AKAP9: variants seen among roughly 807,000 people sequenced by gnomAD.
AKAP9 encodes A-kinase anchoring protein 9.
AKAP9 carries 311 observed loss-of-function variants against 488.5 expected under a neutral mutation model. That is an observed-to-expected ratio of 0.64 (90% confidence interval 0.58 to 0.70). The LOEUF (loss-of-function observed/expected upper bound fraction) is 0.70, where lower values mean the gene tolerates loss of function less well. Among genes scored for constraint, AKAP9 ranks in the 30% least tolerant of loss-of-function variants. The pLI is 0.00. For synonymous variants in AKAP9, 1,462 were observed against 1,483.5 expected (o/e 0.99, Z 0.33); for missense variants, 4,215 against 4,374.5 (o/e 0.96, Z 1.03).
intron 8 of AKAP9, among the ~76,000 whole-genome samples, chr7:92,005,929 A>C (rs537714039): frequency 6.6e-5 from 10 of 152,260 alleles, no homozygotes; most frequent in Non-Finnish European, 5.9e-5. Flanking sequence ...TCGGCCTCCC[A>C]AAGTGCTGGG....
chr7:92,100,111 C>T, intron 44 of AKAP9: 1 of 424,126 alleles, frequency 2.4e-6, no homozygotes, highest in East Asian at 4.8e-5. Context: ...ATCTCTAATC[C>T]ACATCCACCT....
At chr7:91,980,068 A>G (rs947547478) in intron 2 of AKAP9, among the ~76,000 whole-genome samples, 1 of 152,204 alleles carries the variant, frequency 6.6e-6, no homozygotes, top group Non-Finnish European at 1.5e-5. Flanking sequence ...TGATACTTTT[A>G]TATTTAGAAA....
intron 43 of AKAP9, among the ~76,000 whole-genome samples, chr7:92,098,423 A>G (rs1816998737): frequency 6.6e-6 from 1 of 152,156 alleles, no homozygotes. Context: ...CATTATTGTC[A>G]TTGAATAATT....
At chr7:92,041,952 G>C in intron 18 of AKAP9, 94 bp from the exon 19 acceptor site, 4 of 1,363,838 alleles carry the variant, frequency 2.9e-6, no homozygotes, top group Non-Finnish European at 3.1e-6. Context: ...ACCAGGGCCT[G>C]TTGGTCCCGG....
chr7:91,964,132 A>G, intron 1 of AKAP9, among the ~76,000 whole-genome samples: 1 of 152,148 alleles, frequency 6.6e-6, no homozygotes, highest in East Asian at 1.9e-4. Flanking sequence ...CTGTAATCTC[A>G]AGTCAGAGAT....
Position 91,980,495 on chromosome 7 carries a change from C to CTTTTTTTTTTTTTTTTTTT in AKAP9, c.351+167_351+185dup, listed in dbSNP as rs60385804. Among the ~76,000 whole-genome samples, 6 of 48,768 alleles carry CTTTTTTTTTTTTTTTTTTT rather than the reference C, an allele frequency of 1.2e-4. 2 individuals carry two copies. The highest frequency in any genetic ancestry group is 2.8e-4 in the African/African-American group (3 of 10,706). The allele number at this position is 48,768 out of a possible 152,430, so 32.0% of individuals were successfully genotyped here. A position where few individuals can be genotyped will look rare whatever the true frequency, so the allele number is the denominator to read the frequency against. On this transcript the variant is annotated intron_variant, in intron 3 of 49. Coordinates refer to ENST00000356239, the MANE Select transcript of AKAP9 (RefSeq NM_005751.5). The stretch of plus-strand genomic sequence containing the variant: ...GAACCTGAGGATTATGTATTACTGA[C>CTTTTTTTTTTTTTTTTTTT]TTTTTTTTTTTTTTTTTTTTTTTCA...
At chr7:92,015,994 G>A (rs914845240) in intron 10 of AKAP9, 135 bp from the exon 11 acceptor site, 3 of 657,910 alleles carry the variant, frequency 4.6e-6, no homozygotes, top group African/African-American at 3.6e-5. Context: ...ATTGATAAGG[G>A]TATGGAGAGA....
chr7:92,049,223 A>T (rs1442978552), intron 21 of AKAP9, among the ~76,000 whole-genome samples: 1 of 152,180 alleles, frequency 6.6e-6, no homozygotes, highest in Non-Finnish European at 1.5e-5. Flanking sequence ...TATTTACCAA[A>T]CTGGATGTTC....
intron 12 of AKAP9, among the ~76,000 whole-genome samples, chr7:92,019,107 T>C (rs1187812139): frequency 6.6e-6 from 1 of 152,094 alleles, no homozygotes; most frequent in Non-Finnish European, 1.5e-5. Flanking sequence ...TCTCATTCAG[T>C]TATACAGTCA....
chr7:92,078,198 A>ATG (rs1191890006), intron 30 of AKAP9, among the ~76,000 whole-genome samples: 1 of 151,986 alleles, frequency 6.6e-6, no homozygotes, highest in Non-Finnish European at 1.5e-5. Context: ...GGGTTTCACC[A>ATG]TGTTGACCAG....
At chr7:91,994,147 C>T (rs573188238) in intron 5 of AKAP9, among the ~76,000 whole-genome samples, 3 of 152,146 alleles carry the variant, frequency 2.0e-5, no homozygotes, top group Admixed American at 2.0e-4. Flanking sequence ...AACAGAAAAA[C>T]GATGTCAGTG....
chr7:92,015,779 A>G (rs1036357693), intron 10 of AKAP9, among the ~76,000 whole-genome samples: 6 of 152,106 alleles, frequency 3.9e-5, no homozygotes, highest in African/African-American at 1.2e-4. Context: ...TTGTCCTGTG[A>G]TGTTTTTTCA....
intron 9 of AKAP9, among the ~76,000 whole-genome samples, 166 bp from the exon 10 acceptor site, chr7:92,014,081 TCA>T (rs1215657111): frequency 6.6e-6 from 1 of 152,170 alleles, no homozygotes; most frequent in African/African-American, 2.4e-5. Context: ...ATGGAAAATC[TCA>T]CAAAGTTTCT....
rs571259211 is a variant in AKAP9 at position 92,009,494 on chromosome 7, C to T, written c.3319-2935C>T. 6.6e-5 allele frequency among the ~76,000 whole-genome samples: 10 copies of T among 152,262 alleles called. No homozygotes were observed. In the East Asian group the frequency reaches 1.5e-3, roughly 24 times the overall value. ...ATAGAGATTTTCCCTCTCTCCTCTC[C>T]TCCAACCAGAAATATTAGACTGAGA... On this transcript the variant is annotated intron_variant, in intron 8 of 49. Coordinates refer to ENST00000356239, the MANE Select transcript of AKAP9 (RefSeq NM_005751.5).
At chr7:92,093,585 C>G (rs1816020729) in intron 39 of AKAP9, among the ~76,000 whole-genome samples, 1 of 152,138 alleles carries the variant, frequency 6.6e-6, no homozygotes, top group African/African-American at 2.4e-5. Flanking sequence ...ATTTTACCAT[C>G]AACCAATTTG....
chr7:92,091,688 C>G (rs1019119838), intron 38 of AKAP9, among the ~76,000 whole-genome samples: 11 of 149,966 alleles, frequency 7.3e-5, no homozygotes, highest in African/African-American at 2.7e-4. Flanking sequence ...AAAAGAGAGT[C>G]ATAATGAGAT....
intron 3 of AKAP9, among the ~76,000 whole-genome samples, chr7:91,985,514 G>A (rs34603510): frequency 0.4 from 60,713 of 151,930 alleles, 12,434 homozygotes; most frequent in African/African-American, 0.46. Context: ...TATTTGGTTT[G>A]CCAGTATTTT....
intron 14 of AKAP9, among the ~76,000 whole-genome samples, chr7:92,027,049 G>A (rs1584198925): frequency 1.4e-5 from 2 of 141,166 alleles, no homozygotes; most frequent in African/African-American, 5.4e-5. Flanking sequence ...GAGCGTCTCT[G>A]CCCGGCCGCC....
At chr7:92,020,544 TG>T (rs1802179940) in intron 12 of AKAP9, among the ~76,000 whole-genome samples, 1 of 152,246 alleles carries the variant, frequency 6.6e-6, no homozygotes, top group Admixed American at 6.5e-5. Context: ...CCTTCTTCCA[TG>T]TTCCTGTAGC....
Sources: gnomAD v4.1 joint callset for allele counts (sites outside exome capture counted in the v4.1 genomes callset) on GRCh38, gnomAD v4.1.1 for gene constraint, MANE v1.5 for transcripts, NCBI Gene and HGNC (gene_info 2026-07-23, HGNC 2026-07-21) for gene names.